CPN1: variants seen among roughly 807,000 people sequenced by gnomAD.
CPN1 encodes the protein carboxypeptidase N catalytic chain.
A neutral mutation model predicts 46.4 loss-of-function variants in CPN1; 37 were observed. That is an observed-to-expected ratio of 0.80 (90% confidence interval 0.61 to 1.05). CPN1 has a LOEUF of 1.05. CPN1 is among the 50% of genes least tolerant of loss of function. The probability of loss-of-function intolerance (pLI) is 0.00; values close to 1 mark genes in which losing one functional copy is unlikely to be tolerated. For missense variants in CPN1, 563 were observed against 602.6 expected (o/e 0.93, Z 0.69); for synonymous variants, 224 against 235.4 (o/e 0.95, Z 0.44).
rs1589481641 is a variant in CPN1 at position 100,081,868 on chromosome 10, G to A, written c.-243C>T. ...CTAATCCAGGAAAGCCTTTTGAAAGGTTTTTTGCACTTCCCCAGATGGGTA... is the reference window on the plus strand; with the variant it reads ...CTAATCCAGGAAAGCCTTTTGAAAGATTTTTTGCACTTCCCCAGATGGGTA... On this transcript the variant is annotated 5_prime_UTR_variant, in exon 1 of 9. Transcript: ENST00000370418. 1 of 507,274 alleles carries A rather than the reference G, an allele frequency of 2.0e-6. No homozygotes were observed. The highest frequency in any genetic ancestry group is 2.0e-5 in the South Asian group (1 of 49,730). The allele number at this position is 507,274 out of a possible 1,614,324, so 31.4% of individuals were successfully genotyped here.
intron 5 of CPN1, among the ~76,000 whole-genome samples, chr10:100,059,379 G>C (rs1012976786): frequency 1.4e-5 from 2 of 144,160 alleles, no homozygotes; most frequent in Non-Finnish European, 3.0e-5. Flanking sequence ...AGCATACACA[G>C]AGAACTCCTA....
intron 3 of CPN1, among the ~76,000 whole-genome samples, chr10:100,068,817 G>A (rs1242057450): frequency 1.3e-5 from 2 of 152,136 alleles, no homozygotes; most frequent in Non-Finnish European, 2.9e-5. Flanking sequence ...GGGATTACAG[G>A]TGTGAGACAC....
chr10:100,044,713 C>CTT (rs1326776621), intron 8 of CPN1, among the ~76,000 whole-genome samples: 4 of 136,464 alleles, frequency 2.9e-5, no homozygotes, highest in East Asian at 2.2e-4. Flanking sequence ...AGTAAACAAT[C>CTT]TTTTTTTTTT....
At chr10:100,079,634 GC>G (rs2041533069) in intron 1 of CPN1, among the ~76,000 whole-genome samples, 1 of 152,220 alleles carries the variant, frequency 6.6e-6, no homozygotes, top group Non-Finnish European at 1.5e-5. Flanking sequence ...TAACCCCATG[GC>G]CTTCTATGAG....
At chr10:100,061,328 T>C (rs757272327) in intron 5 of CPN1, among the ~76,000 whole-genome samples, 11 of 152,214 alleles carry the variant, frequency 7.2e-5, no homozygotes, top group Non-Finnish European at 7.3e-5. Context: ...ATATCACATA[T>C]ACCCCATAAA....
At chr10:100,042,787 A>T (rs2041284122) in intron 8 of CPN1, among the ~76,000 whole-genome samples, 1 of 152,010 alleles carries the variant, frequency 6.6e-6, no homozygotes, top group Admixed American at 6.6e-5. Flanking sequence ...ATATACATTG[A>T]TTTTACATGT....
intron 7 of CPN1, 56 bp downstream of exon 7, chr10:100,054,291 T>C: frequency 2.2e-6 from 3 of 1,384,380 alleles, no homozygotes; most frequent in Admixed American, 1.7e-5. Flanking sequence ...TTGATTATGC[T>C]GAAGAAGATG....
chr10:100,054,171 C>T (rs1408173006), intron 7 of CPN1, among the ~76,000 whole-genome samples, 176 bp downstream of exon 7: 1 of 152,146 alleles, frequency 6.6e-6, no homozygotes. Flanking sequence ...TTGTTTGATT[C>T]AGCCTCTTAA....
intron 8 of CPN1, among the ~76,000 whole-genome samples, chr10:100,046,554 C>A (rs1322272187): frequency 6.6e-6 from 1 of 152,098 alleles, no homozygotes; most frequent in Non-Finnish European, 1.5e-5. Flanking sequence ...GGGTGGATCA[C>A]CTGAGGTCAG....
chr10:100,069,662 A>G, intron 3 of CPN1, 52 bp downstream of exon 3: 5 of 1,611,946 alleles, frequency 3.1e-6, no homozygotes, highest in Non-Finnish European at 4.2e-6. Flanking sequence ...TCTTTCTGCA[A>G]GAAATTCCAG....
chr10:100,069,836 T>C lies in CPN1; in HGVS notation c.454A>G (p.Asn152Asp), dbSNP rs376577114. The C allele has an allele frequency of 1.8e-5, 29 of 1,613,776 alleles. No individual in the cohort carries two copies. The highest frequency in any genetic ancestry group is 2.3e-5 in the Non-Finnish European group (27 of 1,180,020). Residue 152 changes from asparagine to aspartate, a missense_variant, in exon 3 of 9, where the codon AAC (asparagine) becomes GAC (aspartate). Asn to Asp is a conservative substitution (Grantham distance 23). Transcript: ENST00000370418. ...PNKPGYLVGR[N>D]NANGVDLNRN... is the part of the protein sequence containing the mutation. ...TTCAGGTCCACTCCATTTGCATTGT[T>C]CCTGCCAACTAGATACCCAGGCTTG... is the stretch of plus-strand genomic sequence containing the variant.
chr10:100,057,294 C>A, intron 5 of CPN1, 142 bp from the exon 6 acceptor site: 1 of 927,450 alleles, frequency 1.1e-6, no homozygotes, highest in Admixed American at 2.6e-5. Flanking sequence ...TTCATTGGCA[C>A]ATAATGTGTA....
intron 3 of CPN1, among the ~76,000 whole-genome samples, chr10:100,067,798 T>C (rs1485831435): frequency 6.6e-6 from 1 of 151,982 alleles, no homozygotes; most frequent in Non-Finnish European, 1.5e-5. Context: ...GATCCTCTGA[T>C]TGGAAGAGTA....
At position 100,044,713 on chromosome 10, in the gene CPN1, C is replaced by CT. The variant is rs1326776621; in HGVS notation, c.1231-2141dup. Among the ~76,000 whole-genome samples, 935 of 136,396 alleles carry CT rather than the reference C, an allele frequency of 6.9e-3. 4 individuals carry two copies. Among genetic ancestry groups the CT allele is most frequent in the Middle Eastern group, 0.052 (13 of 248 alleles). The allele number at this position is 136,396 out of a possible 152,430, so 89.5% of individuals were successfully genotyped here. On this transcript the variant is annotated intron_variant, in intron 8 of 8. Transcript: ENST00000370418. The stretch of plus-strand genomic sequence containing the variant: ...AGCTGGAAACTCTGTAGTAAACAAT[C>CT]TTTTTTTTTTTTTTTGAGATGGAGT...
intron 3 of CPN1, 46 bp from the exon 4 acceptor site, chr10:100,065,416 CCAAA>C (rs766921266): frequency 5.3e-5 from 85 of 1,608,886 alleles, no homozygotes; most frequent in Non-Finnish European, 6.2e-5. Flanking sequence ...ACTGGGGCTA[CCAAA>C]CAAACGGCGG....
At chr10:100,068,605 C>CA (rs2041468290) in intron 3 of CPN1, among the ~76,000 whole-genome samples, 2 of 152,254 alleles carry the variant, frequency 1.3e-5, no homozygotes, top group East Asian at 3.9e-4. Flanking sequence ...CTGGAGCAGG[C>CA]AGGACAATAG....
chr10:100,063,785 C>T, intron 4 of CPN1, 60 bp from the exon 5 acceptor site: 2 of 1,285,938 alleles, frequency 1.6e-6, no homozygotes, highest in Non-Finnish European at 2.3e-6. Flanking sequence ...GGCAATGCTC[C>T]TACTCACAAC....
intron 7 of CPN1, among the ~76,000 whole-genome samples, chr10:100,050,532 T>C (rs2041344195): frequency 1.3e-5 from 2 of 152,142 alleles, no homozygotes; most frequent in Non-Finnish European, 2.9e-5. Context: ...AGGCCCTGGG[T>C]TGGACAAAAA....
intron 7 of CPN1, among the ~76,000 whole-genome samples, chr10:100,050,813 T>C (rs1003897799): frequency 6.6e-6 from 1 of 152,116 alleles, no homozygotes; most frequent in Non-Finnish European, 1.5e-5. Flanking sequence ...TTATTTTTTG[T>C]AGAGATGGAG....
Sources: gnomAD v4.1 joint callset for allele counts (sites outside exome capture counted in the v4.1 genomes callset) on GRCh38, gnomAD v4.1.1 for gene constraint, MANE v1.5 for transcripts, NCBI Gene and HGNC (gene_info 2026-07-23, HGNC 2026-07-21) for gene names.